Variants in ANKRD30B observed in about 807,000 individuals in gnomAD.
ANKRD30B encodes the protein ankyrin repeat domain-containing protein 30B.
In ANKRD30B, 144 loss-of-function variants were observed where a neutral mutation model predicts 202.2. The observed-to-expected ratio is 0.71, with a 90% CI of 0.62 to 0.82. The LOEUF (loss-of-function observed/expected upper bound fraction) is 0.82, where lower values mean the gene tolerates loss of function less well. Ranked by LOEUF, ANKRD30B falls within the 40% of genes least tolerant of loss-of-function variation. The pLI is 0.00. For missense variants in ANKRD30B, 1,487 were observed against 1,669.1 expected (o/e 0.89, Z 1.90); for synonymous variants, 508 against 561.3 (o/e 0.91, Z 1.34).
chr18:14,763,650 C>T lies in ANKRD30B; in HGVS notation c.821-36C>T, dbSNP rs752651410. The T allele has an allele frequency of 2.5e-6, 4 of 1,604,826 alleles. No homozygotes were observed. The Admixed American group carries it at 5.1e-5, about 20-fold the overall frequency. On this transcript the variant is annotated intron_variant, in intron 6 of 43. Transcript: ENST00000690538. ...TGAAGTCAGGAGGATGATATTTAAG[C>T]AGAAAGAAAATTTAACCAGATTGTG...
At chr18:14,865,377 G>T in the ANKRD30B span, among the ~76,000 whole-genome samples, 1 of 145,120 alleles carries the variant, frequency 6.9e-6, no homozygotes, top group Admixed American at 6.9e-5. Context: ...CCTTCCACTT[G>T]TCACCCTTTT....
chr18:14,860,411 CCTCCCAGATGGGGCAGCCGGG>C, the ANKRD30B span, among the ~76,000 whole-genome samples: 2 of 52,212 alleles, frequency 3.8e-5, no homozygotes, highest in Non-Finnish European at 7.2e-5. Flanking sequence ...GCGCTCCTCA[CCTCCCAGATGGGGCAGCCGGG>C]AAGAGGCACT....
intron 34 of ANKRD30B, 72 bp from the exon 35 acceptor site, chr18:14,837,139 G>T (rs919084284): frequency 2.3e-6 from 2 of 882,190 alleles, no homozygotes; most frequent in East Asian, 2.7e-5. Context: ...AATTGATTGA[G>T]TGAGTGAATA....
intron 36 of ANKRD30B, 48 bp from the exon 37 acceptor site, chr18:14,840,540 T>C (rs71350545): frequency 1.4e-5 from 15 of 1,047,244 alleles, no homozygotes; most frequent in Non-Finnish European, 1.9e-5. Context: ...AAAACAAAAT[T>C]AAAAAATAGT....
the ANKRD30B span, among the ~76,000 whole-genome samples, chr18:14,899,837 G>A: frequency 3.3e-5 from 5 of 151,972 alleles, no homozygotes; most frequent in East Asian, 1.9e-4. Flanking sequence ...ATACTTTCTC[G>A]TTAACCAATG....
the ANKRD30B span, among the ~76,000 whole-genome samples, chr18:14,896,821 A>G: frequency 1.4e-5 from 2 of 147,412 alleles, no homozygotes; most frequent in Non-Finnish European, 3.0e-5. Context: ...AACAAGAGCC[A>G]GTAATATTTT....
intron 20 of ANKRD30B, among the ~76,000 whole-genome samples, 191 bp from the exon 21 acceptor site, chr18:14,798,910 A>G (rs546890733): frequency 9.9e-5 from 15 of 152,236 alleles, no homozygotes; most frequent in South Asian, 4.1e-4. Context: ...TTCCATAGCA[A>G]CAGTTTCAGG....
the ANKRD30B span, among the ~76,000 whole-genome samples, chr18:14,939,094 C>T: frequency 6.6e-6 from 1 of 152,330 alleles, no homozygotes; most frequent in East Asian, 1.9e-4. Context: ...TGTCTCTTGT[C>T]TCTTCAAAGT....
chr18:14,934,335 C>T, the ANKRD30B span, among the ~76,000 whole-genome samples: 7 of 152,202 alleles, frequency 4.6e-5, no homozygotes, highest in Non-Finnish European at 8.8e-5. Context: ...CTGGGGAGTT[C>T]GATTCCTCTC....
chr18:14,860,339 T>C, the ANKRD30B span, among the ~76,000 whole-genome samples: 2 of 95,958 alleles, frequency 2.1e-5, no homozygotes, highest in African/African-American at 4.2e-5. Context: ...GCTCCTCACT[T>C]CCCAGACAGG....
the ANKRD30B span, among the ~76,000 whole-genome samples, chr18:14,919,487 T>G: frequency 1.8e-4 from 27 of 152,082 alleles, no homozygotes; most frequent in African/African-American, 6.0e-4. Context: ...TGCAGTGATT[T>G]AAGGTGGGAG....
chr18:14,776,743 A>C (rs980409220), intron 9 of ANKRD30B, among the ~76,000 whole-genome samples: 1 of 152,252 alleles, frequency 6.6e-6, no homozygotes, highest in African/African-American at 2.4e-5. Context: ...TGTATTAAGA[A>C]TGAATTGCGT....
intron 24 of ANKRD30B, among the ~76,000 whole-genome samples, chr18:14,807,073 T>C (rs1459469086): frequency 1.3e-5 from 2 of 151,154 alleles, no homozygotes; most frequent in African/African-American, 4.9e-5. Context: ...CTTAAAATGC[T>C]TGCACATAAA....
intron 4 of ANKRD30B, among the ~76,000 whole-genome samples, chr18:14,757,431 A>G (rs941860616): frequency 6.6e-6 from 1 of 152,194 alleles, no homozygotes; most frequent in African/African-American, 2.4e-5. Flanking sequence ...TACTAATATC[A>G]TTATTCCTAA....
In ANKRD30B at chr18:14,791,475, A is replaced by C; in HGVS notation, c.1809A>C (p.Leu603Phe). 1 of 1,609,098 alleles carries C rather than the reference A, an allele frequency of 6.2e-7. No homozygotes were observed. Among genetic ancestry groups the C allele is most frequent in the Non-Finnish European group, 8.5e-7 (1 of 1,178,186 alleles). The change falls in exon 16 of 44, where the codon TTA (leucine) becomes TTC (phenylalanine). Residue 603 changes from leucine to phenylalanine, a missense_variant. This residue lies in a region of ANKRD30B where 889 missense variants were observed against 841.4 expected (regional missense o/e 1.06). Coordinates refer to ENST00000690538, the MANE Select transcript of ANKRD30B (RefSeq NM_001367607.2). ...CACATCAAAAAGAATTCGATACCTT[A>C]AGTGGAAAATTAGAAGGTAAGAACC... Reference protein sequence around the residue: ...KATHQKEFDTLSGKLEESPVK... With the variant: ...KATHQKEFDTFSGKLEESPVK...
chr18:14,807,616 G>C (rs984818407), intron 24 of ANKRD30B, among the ~76,000 whole-genome samples: 3 of 148,490 alleles, frequency 2.0e-5, no homozygotes, highest in African/African-American at 5.0e-5. Flanking sequence ...ACTGCCACCT[G>C]GGCCTCCTGG....
At chr18:14,764,777 T>C (rs868828915) in intron 7 of ANKRD30B, among the ~76,000 whole-genome samples, 27 of 152,214 alleles carry the variant, frequency 1.8e-4, no homozygotes, top group Non-Finnish European at 2.2e-4. Context: ...GGCTGCTTTG[T>C]TCACATTTTT....
At chr18:14,772,590 G>A (rs1161779279) in intron 9 of ANKRD30B, among the ~76,000 whole-genome samples, 1 of 151,486 alleles carries the variant, frequency 6.6e-6, no homozygotes, top group African/African-American at 2.4e-5. Flanking sequence ...TTATTCTTTT[G>A]TAACTTAAAA....
At chr18:14,809,280 G>A (rs1299050749) in intron 26 of ANKRD30B, among the ~76,000 whole-genome samples, 1 of 150,982 alleles carries the variant, frequency 6.6e-6, no homozygotes, top group Non-Finnish European at 1.5e-5. Context: ...TATAGTGTGT[G>A]CATCGGTAAT....
Sources: allele counts gnomAD v4.1 joint callset (sites outside exome capture counted in the v4.1 genomes callset), GRCh38; gene constraint gnomAD v4.1.1; regional missense constraint gnomAD v4.1.1; transcripts MANE v1.5; gene names NCBI Gene and HGNC (gene_info 2026-07-23, HGNC 2026-07-21).